GUCY1A1: variants seen among roughly 807,000 people sequenced by gnomAD.
GUCY1A1 encodes guanylate cyclase soluble subunit alpha-1.
In GUCY1A1, 48 loss-of-function variants were observed where a neutral mutation model predicts 64.5. The ratio of observed to expected loss-of-function variants is 0.74; its 90% CI spans 0.59 to 0.95. The LOEUF is 0.95. GUCY1A1 is among the 40% of genes least tolerant of loss of function. GUCY1A1 has a pLI of 0.00. For synonymous variants in GUCY1A1, 308 were observed against 303.4 expected, an observed-to-expected ratio of 1.02 and a Z score of -0.16; for missense variants, 804 against 825.3, an observed-to-expected ratio of 0.97 and a Z score of 0.32.
intron 2 of GUCY1A1, among the ~76,000 whole-genome samples, chr4:155,684,668 A>G (rs905883828): frequency 6.6e-6 from 1 of 152,148 alleles, no homozygotes; most frequent in Non-Finnish European, 1.5e-5. Context: ...TTTCTCTGAG[A>G]AACGTACTTT....
Position 155,713,537 on chromosome 4 carries a change from T to C in GUCY1A1, c.1526T>C (p.Leu509Pro), listed in dbSNP as rs1732860968. The C allele has an allele frequency of 1.2e-6, 2 of 1,614,062 alleles. No individual in the cohort carries two copies. Among genetic ancestry groups the C allele is most frequent in the Non-Finnish European group, 8.5e-7 (1 of 1,179,936 alleles). Reference protein sequence around the residue: ...PLQVITMLNALYTRFDQQCGE... With the variant: ...PLQVITMLNAPYTRFDQQCGE... ...CAGGTCATCACCATGCTCAATGCAC[T>C]GTACACTCGCTTCGACCAGCAGTGT... The change falls in exon 7 of 10, where the codon CTG (leucine) becomes CCG (proline). Residue 509 changes from leucine to proline, a missense_variant. Coordinates refer to ENST00000506455, the MANE Select transcript of GUCY1A1 (RefSeq NM_001130682.3).
intron 8 of GUCY1A1, among the ~76,000 whole-genome samples, chr4:155,718,586 G>A (rs1733563543): frequency 6.6e-6 from 1 of 152,158 alleles, no homozygotes; most frequent in South Asian, 2.1e-4. Context: ...GATTGAAGCT[G>A]GAGGATTCAT....
chr4:155,722,041 C>T lies in GUCY1A1; in HGVS notation c.1720C>T (p.Arg574Ter), dbSNP rs749771282. Residue 574 changes from arginine (R) to a stop codon, truncating the protein, a stop_gained, in exon 9 of 10, where the codon CGA becomes TGA. Coordinates refer to ENST00000506455, the MANE Select transcript of GUCY1A1 (RefSeq NM_001130682.3). LOFTEE classifies it high-confidence loss of function. ...TCATGTTATTTTTTGCTTTCAGATG[C>T]GAATTGGACTGCACTCTGGATCAGT... The part of the protein sequence containing the change: ...MSPHGEPIKM[R>*]IGLHSGSVFA... The T allele has an allele frequency of 5.0e-6, 8 of 1,606,872 alleles. No homozygotes were observed. The African/African-American group carries it at 5.4e-5, about 11-fold the overall frequency.
intron 2 of GUCY1A1, among the ~76,000 whole-genome samples, chr4:155,694,776 G>A (rs896666367): frequency 3.3e-5 from 5 of 152,286 alleles, no homozygotes; most frequent in African/African-American, 9.6e-5. Context: ...AAAGCTTAAA[G>A]CTGATCATTG....
chr4:155,728,988 G>A (rs1735154111), intron 9 of GUCY1A1, among the ~76,000 whole-genome samples: 1 of 151,662 alleles, frequency 6.6e-6, no homozygotes, highest in Admixed American at 6.6e-5. Flanking sequence ...TTATTGTTTA[G>A]CAGATTACAT....
In GUCY1A1 at chr4:155,722,112, T is replaced by C. The variant is rs1383086363; in HGVS notation, c.1791T>C (p.Phe597=). The change falls in exon 9 of 10, where the codon TTT becomes TTC. Residue 597 remains phenylalanine (F), a synonymous_variant. Transcript: ENST00000506455. ...TTAAAATGCCCCGTTACTGTCTTTT[T>C]GGAAACAATGTCACTCTGGCTAACA... ...VGVKMPRYCL[F]GNNVTLANKF... 6.2e-7 allele frequency: 1 copy of C among 1,613,706 alleles called. No homozygotes were observed.
Position 155,712,192 on chromosome 4 carries a change from G to A in GUCY1A1, c.1087-906G>A, listed in dbSNP as rs556185696. ...GTCGCCCAGGCTGGAGTGCAGTGGC[G>A]TGTTCTCAGCTCACTGCAACCTCCA... On this transcript the variant is annotated intron_variant, in intron 6 of 9. Transcript: ENST00000506455. 1.1e-3 allele frequency among the ~76,000 whole-genome samples: 175 copies of A among 152,174 alleles called. 4 individuals carry two copies. The South Asian group carries it at 0.035, about 30-fold the overall frequency.
intron 4 of GUCY1A1, among the ~76,000 whole-genome samples, chr4:155,707,426 A>C (rs1479129912): frequency 1.3e-5 from 2 of 152,234 alleles, no homozygotes; most frequent in African/African-American, 4.8e-5. Context: ...TGCACTGTAG[A>C]GTACCGGTTG....
chr4:155,723,737 A>G (rs1222290916), intron 9 of GUCY1A1, among the ~76,000 whole-genome samples: 2 of 151,824 alleles, frequency 1.3e-5, no homozygotes, highest in Non-Finnish European at 2.9e-5. Flanking sequence ...GTCTTGCCTC[A>G]CTGCAAGCTC....
Position 155,736,483 on chromosome 4 carries a change from T to C in GUCY1A1, c.*6252T>C, listed in dbSNP as rs938100586. 1.3e-5 allele frequency: 2 copies of C among 151,964 alleles called. No individual in the cohort carries two copies. The highest frequency in any genetic ancestry group is 4.8e-5 in the African/African-American group (2 of 41,402). The allele number at this position is 151,964 out of a possible 1,614,324, so 9.4% of individuals were successfully genotyped here. Reference sequence around the variant, plus strand: ...CCTAGTGAAGTACCATAGACCATATTGTCTAGATGGGACAAAATAATAAAT... The same window carrying C: ...CCTAGTGAAGTACCATAGACCATATCGTCTAGATGGGACAAAATAATAAAT... On this transcript the variant is annotated 3_prime_UTR_variant, in exon 10 of 10. Transcript: ENST00000506455.
intron 2 of GUCY1A1, among the ~76,000 whole-genome samples, chr4:155,669,160 A>G (rs1488550621): frequency 6.6e-6 from 1 of 152,308 alleles, no homozygotes; most frequent in East Asian, 1.9e-4. Context: ...GACCAGATGT[A>G]TGTATTTTAA....
rs1049509 is a variant in GUCY1A1, at chr4:155,711,167, G to A, written c.1002G>A (p.Thr334=). 7 of 1,613,670 alleles carry A rather than the reference G, an allele frequency of 4.3e-6. No homozygotes were observed. The highest frequency in any genetic ancestry group is 2.7e-5 in the African/African-American group (2 of 74,920). ...TTCTGACTCCAAAAATCAACCAGAC[G>A]TTTAGCGGGATCATGACTATGTTGA... ...FEILTPKINQ[T]FSGIMTMLNM... Residue 334 remains threonine, a synonymous_variant, in exon 6 of 10, where the codon ACG becomes ACA. Coordinates refer to ENST00000506455, the MANE Select transcript of GUCY1A1 (RefSeq NM_001130682.3).
intron 7 of GUCY1A1, among the ~76,000 whole-genome samples, 183 bp downstream of exon 7, chr4:155,713,766 A>C (rs1319563651): frequency 6.6e-6 from 1 of 152,140 alleles, no homozygotes; most frequent in African/African-American, 2.4e-5. Flanking sequence ...AATAGCTCTG[A>C]ATCTGCCCAG....
intron 2 of GUCY1A1, among the ~76,000 whole-genome samples, chr4:155,688,248 A>C (rs6834000): frequency 0.1 from 15,440 of 151,820 alleles, 2,533 homozygotes; most frequent in African/African-American, 0.35. Context: ...AACAAAAAAA[A>C]AAAAAAACTC....
chr4:155,708,174 A>T, intron 4 of GUCY1A1, 62 bp from the exon 5 acceptor site: 1 of 848,680 alleles, frequency 1.2e-6, no homozygotes, highest in Non-Finnish European at 2.0e-6. Context: ...TCTGTATATT[A>T]TAATCTGAAC....
chr4:155,715,005 G>A (rs1733046300), intron 7 of GUCY1A1, among the ~76,000 whole-genome samples: 1 of 152,034 alleles, frequency 6.6e-6, no homozygotes, highest in South Asian at 2.1e-4. Context: ...TCTACTTTTG[G>A]TTATTTCTAT....
At chr4:155,683,391 G>A (rs1270419551) in intron 2 of GUCY1A1, among the ~76,000 whole-genome samples, 1 of 152,184 alleles carries the variant, frequency 6.6e-6, no homozygotes, top group African/African-American at 2.4e-5. Context: ...TAACAATTTA[G>A]TTAGCCTATC....
At chr4:155,673,952 T>C (rs1448574235) in intron 2 of GUCY1A1, among the ~76,000 whole-genome samples, 2 of 151,544 alleles carry the variant, frequency 1.3e-5, no homozygotes, top group Non-Finnish European at 2.9e-5. Flanking sequence ...TTGCTGAATT[T>C]TTACTATTAT....
Position 155,709,192 on chromosome 4 carries a change from G to A in GUCY1A1, c.376+898G>A, listed in dbSNP as rs912496509. On this transcript the variant is annotated intron_variant, in intron 5 of 9. Transcript: ENST00000506455. ...AATTAAACCTTCAACAACTCAAAAC[G>A]GTCGTCCTGACACCTTCTTACATTC... Among the ~76,000 whole-genome samples the A allele has an allele frequency of 2.1e-3, 24 of 11,306 alleles. No homozygotes were observed. The Admixed American group carries it at 0.029, about 13-fold the overall frequency. The allele number at this position is 11,306 out of a possible 152,430, so 7.4% of individuals were successfully genotyped here.
Sources: allele counts gnomAD v4.1 joint callset (sites outside exome capture counted in the v4.1 genomes callset), GRCh38; gene constraint gnomAD v4.1.1; transcripts MANE v1.5; gene names NCBI Gene and HGNC (gene_info 2026-07-23, HGNC 2026-07-21).